Variants in AKR1E2 observed in about 807,000 individuals in gnomAD.
AKR1E2 encodes aldo-keto reductase family 1 member E2.
In AKR1E2, 43 loss-of-function variants were observed where a neutral mutation model predicts 41.9. The ratio of observed to expected loss-of-function variants is 1.03; its 90% confidence interval spans 0.80 to 1.32. AKR1E2 has a LOEUF of 1.32. Ranked by LOEUF, AKR1E2 falls within the 40% of genes most tolerant of loss-of-function variation. AKR1E2 has a pLI of 0.00. For missense variants in AKR1E2, 423 were observed against 396.5 expected, an observed-to-expected ratio of 1.07 and a Z score of -0.57; for synonymous variants, 121 against 138.9, an observed-to-expected ratio of 0.87 and a Z score of 0.91.
At position 4,847,786 on chromosome 10, in the gene AKR1E2, A is replaced by C; in HGVS notation, c.*256A>C. On this transcript the variant is annotated 3_prime_UTR_variant, in exon 10 of 10. Coordinates refer to ENST00000298375, the MANE Select transcript of AKR1E2 (RefSeq NM_001040177.3). Reference sequence around the variant, plus strand: ...AAATACACTGATGAGTCATCAGTGAAATTTGCCTTCACATTTTAAGAAAAC... The same window carrying C: ...AAATACACTGATGAGTCATCAGTGACATTTGCCTTCACATTTTAAGAAAAC... 1 of 487,222 alleles carries C rather than the reference A, an allele frequency of 2.1e-6. No homozygotes were observed. Among genetic ancestry groups the C allele is most frequent in the Non-Finnish European group, 3.6e-6 (1 of 278,048 alleles). The allele number at this position is 487,222 out of a possible 1,614,324, so 30.2% of individuals were successfully genotyped here. A position where few individuals can be genotyped will look rare whatever the true frequency, so the allele number is the denominator to read the frequency against.
the AKR1E2 span, among the ~76,000 whole-genome samples, chr10:4,853,568 T>G: frequency 6.6e-6 from 1 of 152,154 alleles, no homozygotes; most frequent in Non-Finnish European, 1.5e-5. Flanking sequence ...TGTGGTCTGG[T>G]TACAGCTTAG....
intron 1 of AKR1E2, among the ~76,000 whole-genome samples, chr10:4,829,023 C>A (rs2961573): frequency 1.3e-5 from 2 of 152,094 alleles, no homozygotes; most frequent in Non-Finnish European, 2.9e-5. Flanking sequence ...TTTTTTTCCA[C>A]TCTTTAAGCT....
At chr10:4,843,701 C>T (rs767569194) in intron 8 of AKR1E2, among the ~76,000 whole-genome samples, 1 of 152,226 alleles carries the variant, frequency 6.6e-6, no homozygotes, top group Non-Finnish European at 1.5e-5. Context: ...TGGGCATAGC[C>T]CTGCCATTGG....
the AKR1E2 span, among the ~76,000 whole-genome samples, chr10:4,867,742 A>G: frequency 6.6e-6 from 1 of 152,226 alleles, no homozygotes; most frequent in African/African-American, 2.4e-5. Flanking sequence ...TCTGTGTAGC[A>G]GTGATAAGAA....
chr10:4,841,185 G>A (rs1041437330), intron 6 of AKR1E2, among the ~76,000 whole-genome samples: 1 of 152,084 alleles, frequency 6.6e-6, no homozygotes, highest in South Asian at 2.1e-4. Flanking sequence ...AGGAGACCTC[G>A]AGGACGATAC....
chr10:4,867,167 A>G, the AKR1E2 span, among the ~76,000 whole-genome samples: 1 of 152,216 alleles, frequency 6.6e-6, no homozygotes, highest in Admixed American at 6.5e-5. Flanking sequence ...AACAAGGACA[A>G]CTTGGAGGTT....
chr10:4,870,361 C>T, the AKR1E2 span, among the ~76,000 whole-genome samples: 2 of 151,922 alleles, frequency 1.3e-5, no homozygotes, highest in African/African-American at 4.8e-5. Context: ...CTGCGTTTAC[C>T]CATATTTTTG....
chr10:4,868,271 C>G, the AKR1E2 span, among the ~76,000 whole-genome samples: 1 of 152,094 alleles, frequency 6.6e-6, no homozygotes, highest in Non-Finnish European at 1.5e-5. Context: ...GCAGAGGCAG[C>G]GTGTTTTATT....
chr10:4,838,593 G>A (rs2131539481), intron 5 of AKR1E2, among the ~76,000 whole-genome samples: 1 of 152,278 alleles, frequency 6.6e-6, no homozygotes. Flanking sequence ...ATAGCTTGAT[G>A]AATTTTTGCA....
At chr10:4,859,069 G>T in the AKR1E2 span, among the ~76,000 whole-genome samples, 1 of 151,920 alleles carries the variant, frequency 6.6e-6, no homozygotes, top group Non-Finnish European at 1.5e-5. Context: ...GGTGACATCC[G>T]CCTCAGCCTC....
chr10:4,844,151 T>C (rs1834109245), intron 8 of AKR1E2, among the ~76,000 whole-genome samples: 1 of 152,146 alleles, frequency 6.6e-6, no homozygotes, highest in African/African-American at 2.4e-5. Context: ...GTTTGTTCCT[T>C]CTGATGTTCG....
chr10:4,836,180 T>G (rs1319786620), intron 4 of AKR1E2, among the ~76,000 whole-genome samples: 1 of 152,174 alleles, frequency 6.6e-6, no homozygotes, highest in African/African-American at 2.4e-5. Flanking sequence ...CAGTAACCAC[T>G]GTTAATGTTT....
chr10:4,825,954 G>A (rs373629826), upstream of AKR1E2, among the ~76,000 whole-genome samples: 5 of 152,342 alleles, frequency 3.3e-5, no homozygotes, highest in African/African-American at 1.2e-4. Context: ...AATGCCAGCC[G>A]ATTGTAAAAC....
At chr10:4,862,015 T>C in the AKR1E2 span, among the ~76,000 whole-genome samples, 56 of 152,336 alleles carry the variant, frequency 3.7e-4, no homozygotes, top group African/African-American at 1.3e-3. Context: ...CATGCCTATG[T>C]CCTGAATGGT....
At chr10:4,849,076 G>A (rs1356865905), downstream of AKR1E2, among the ~76,000 whole-genome samples, 1 of 152,202 alleles carries the variant, frequency 6.6e-6, no homozygotes, top group South Asian at 2.1e-4. Flanking sequence ...TTTGCTGCGG[G>A]TGTCACCAAA....
intron 3 of AKR1E2, 107 bp downstream of exon 3, chr10:4,833,573 T>C (rs1006288828): frequency 3.2e-6 from 3 of 940,568 alleles, no homozygotes; most frequent in South Asian, 1.5e-5. Flanking sequence ...AGGGCAGGGG[T>C]TCCCAGGCTG....
intron 5 of AKR1E2, 68 bp from the exon 6 acceptor site, chr10:4,839,661 C>T: frequency 6.9e-7 from 1 of 1,440,418 alleles, no homozygotes; most frequent in Non-Finnish European, 9.8e-7. Context: ...TGACGCAGGT[C>T]TTCTCTTGTA....
chr10:4,869,479 G>C, the AKR1E2 span, among the ~76,000 whole-genome samples: 2 of 151,754 alleles, frequency 1.3e-5, no homozygotes, highest in Admixed American at 1.3e-4. Context: ...CCAATTCTTT[G>C]CTTCATTTTT....
intron 1 of AKR1E2, among the ~76,000 whole-genome samples, chr10:4,830,071 A>C (rs112187140): frequency 0.025 from 3,806 of 152,280 alleles, 91 homozygotes; most frequent in Non-Finnish European, 0.043. Flanking sequence ...TCCAGTGAGA[A>C]AGTGGTTTGT....
Sources: allele counts gnomAD v4.1 joint callset (sites outside exome capture counted in the v4.1 genomes callset), GRCh38; gene constraint gnomAD v4.1.1; transcripts MANE v1.5; gene names NCBI Gene and HGNC (gene_info 2026-07-23, HGNC 2026-07-21).